Variants in CDC42SE2 observed in about 807,000 individuals in gnomAD.
CDC42SE2 encodes the protein CDC42 small effector 2.
In CDC42SE2, 3 loss-of-function variants were observed where a neutral mutation model predicts 11.5. The ratio of observed to expected loss-of-function variants is 0.26; its 90% CI spans 0.12 to 0.67. The LOEUF is 0.67. CDC42SE2 is among the 30% of genes least tolerant of loss of function. CDC42SE2 has a pLI of 0.80. For missense variants in CDC42SE2, 82 were observed against 106.8 expected (o/e 0.77, Z 1.02); for synonymous variants, 33 against 34.8 (o/e 0.95, Z 0.18).
chr5:131,290,250 T>C (rs1757428871), intron 1 of CDC42SE2, among the ~76,000 whole-genome samples: 1 of 152,118 alleles, frequency 6.6e-6, no homozygotes, highest in Non-Finnish European at 1.5e-5. Flanking sequence ...CAAAAGGCAG[T>C]TGGTGATCTG....
chr5:131,389,595 TGA>T (rs1561439768), intron 4 of CDC42SE2, among the ~76,000 whole-genome samples: 1 of 152,378 alleles, frequency 6.6e-6, no homozygotes, highest in East Asian at 1.9e-4. Flanking sequence ...TATTGAAACC[TGA>T]CTTACTCAAA....
At chr5:131,366,777 A>AT (rs754565200) in intron 3 of CDC42SE2, among the ~76,000 whole-genome samples, 36 of 152,068 alleles carry the variant, frequency 2.4e-4, no homozygotes, top group Non-Finnish European at 4.6e-4. Flanking sequence ...TAATCCCAAC[A>AT]CTTTGGGAGG....
chr5:131,309,999 T>C (rs957744106), intron 1 of CDC42SE2, among the ~76,000 whole-genome samples: 2 of 152,204 alleles, frequency 1.3e-5, no homozygotes, highest in African/African-American at 2.4e-5. Flanking sequence ...CTTTTGAATG[T>C]GTTTGCTCTT....
chr5:131,289,251 A>C (rs984575167), intron 1 of CDC42SE2, among the ~76,000 whole-genome samples: 1 of 152,228 alleles, frequency 6.6e-6, no homozygotes, highest in African/African-American at 2.4e-5. Context: ...AAACCAGCCA[A>C]ATGGAGTATG....
rs1374250673 is a variant in CDC42SE2, at chr5:131,393,047, T to TA, written c.*1957dup. 1 of 152,380 alleles carries TA rather than the reference T, an allele frequency of 6.6e-6. No homozygotes were observed. Among genetic ancestry groups the TA allele is most frequent in the African/African-American group, 2.4e-5 (1 of 41,452 alleles). The allele number at this position is 152,380 out of a possible 1,614,324, so 9.4% of individuals were successfully genotyped here. On this transcript the variant is annotated 3_prime_UTR_variant, in exon 5 of 5. Coordinates refer to ENST00000505065, the MANE Select transcript of CDC42SE2 (RefSeq NM_001375635.1). ...TCTGTAAAGGTTTCTTCTTTTCTGT[T>TA]AGAGTGTGGTGTTAAGCCAGAGTCA...
chr5:131,337,381 T>G (rs574413826), intron 2 of CDC42SE2, among the ~76,000 whole-genome samples: 32 of 152,186 alleles, frequency 2.1e-4, no homozygotes, highest in Non-Finnish European at 4.7e-4. Flanking sequence ...CTGCCCCTAC[T>G]GGGGGGTGCC....
intron 3 of CDC42SE2, among the ~76,000 whole-genome samples, chr5:131,371,905 A>G (rs576182403): frequency 6.6e-5 from 10 of 152,324 alleles, no homozygotes; most frequent in African/African-American, 2.4e-4. Context: ...ATTATCTGCC[A>G]TTTTTACAGA....
rs79210450 is a variant in CDC42SE2 at position 131,343,284 on chromosome 5, A to C, written c.-285-15925A>C. Reference sequence around the variant, plus strand: ...GTGGATATAAATGTCTAGTAGACTCAAGAGAGAAGTCAGAATGAAAATACA... The same window carrying C: ...GTGGATATAAATGTCTAGTAGACTCCAGAGAGAAGTCAGAATGAAAATACA... On this transcript the variant is annotated intron_variant, in intron 2 of 4. Transcript: ENST00000505065. Among the ~76,000 whole-genome samples, 300 of 152,304 alleles carry C rather than the reference A, an allele frequency of 2.0e-3. 1 individual carries two copies. Among genetic ancestry groups the C allele is most frequent in the African/African-American group, 7.0e-3 (289 of 41,566 alleles).
At chr5:131,371,264 G>A (rs1211365460) in intron 3 of CDC42SE2, among the ~76,000 whole-genome samples, 1 of 152,002 alleles carries the variant, frequency 6.6e-6, no homozygotes, top group East Asian at 1.9e-4. Context: ...TTCATATTGA[G>A]TAGGAAATAT....
At chr5:131,347,690 C>T (rs1561593808) in intron 2 of CDC42SE2, among the ~76,000 whole-genome samples, 2 of 151,984 alleles carry the variant, frequency 1.3e-5, no homozygotes, top group South Asian at 4.1e-4. Context: ...GGCAGAGACA[C>T]AACAAAAAAA....
At chr5:131,277,154 G>C (rs958409555) in intron 1 of CDC42SE2, among the ~76,000 whole-genome samples, 2 of 152,188 alleles carry the variant, frequency 1.3e-5, no homozygotes, top group African/African-American at 4.8e-5. Context: ...AGACTAGGTA[G>C]TTTTCATTAG....
At chr5:131,377,165 C>G (rs953863571) in intron 3 of CDC42SE2, among the ~76,000 whole-genome samples, 1 of 148,920 alleles carries the variant, frequency 6.7e-6, no homozygotes, top group African/African-American at 2.5e-5. Flanking sequence ...TATTATTTGA[C>G]TATATGTAAT....
At chr5:131,374,326 C>T (rs925196665) in intron 3 of CDC42SE2, among the ~76,000 whole-genome samples, 2 of 151,914 alleles carry the variant, frequency 1.3e-5, no homozygotes, top group Non-Finnish European at 2.9e-5. Flanking sequence ...AGGTGGATCA[C>T]GAGGTGAGTT....
intron 2 of CDC42SE2, among the ~76,000 whole-genome samples, chr5:131,347,699 A>C (rs897706522): frequency 2.6e-5 from 4 of 152,202 alleles, no homozygotes; most frequent in Non-Finnish European, 5.9e-5. Flanking sequence ...ACAACAAAAA[A>C]AGAGAATTTT....
chr5:131,241,628 C>T (rs1017439969), upstream of CDC42SE2, among the ~76,000 whole-genome samples: 1 of 152,032 alleles, frequency 6.6e-6, no homozygotes, highest in Admixed American at 6.6e-5. Context: ...GAGCACACCC[C>T]CTTTGCCTAC....
At chr5:131,303,357 T>C (rs1265478481) in intron 1 of CDC42SE2, among the ~76,000 whole-genome samples, 1 of 152,226 alleles carries the variant, frequency 6.6e-6, no homozygotes, top group Non-Finnish European at 1.5e-5. Flanking sequence ...TAAGTACTTA[T>C]TTTTCATTCA....
chr5:131,302,380 T>C (rs954172964), intron 1 of CDC42SE2, among the ~76,000 whole-genome samples: 2 of 152,206 alleles, frequency 1.3e-5, no homozygotes, highest in Non-Finnish European at 2.9e-5. Context: ...GGTTTCTCCA[T>C]GTTGGTGAGG....
intron 2 of CDC42SE2, among the ~76,000 whole-genome samples, chr5:131,345,881 T>A (rs991188085): frequency 2.0e-5 from 3 of 152,110 alleles, no homozygotes; most frequent in Non-Finnish European, 4.4e-5. Flanking sequence ...AACCCAGAAT[T>A]TCATATCCAG....
chr5:131,230,301 T>C, the CDC42SE2 span, among the ~76,000 whole-genome samples: 2 of 152,230 alleles, frequency 1.3e-5, no homozygotes, highest in African/African-American at 2.4e-5. Context: ...TTTTCTACTG[T>C]TTCACCACTC....
Sources: gnomAD v4.1 joint callset for allele counts (sites outside exome capture counted in the v4.1 genomes callset) on GRCh38, gnomAD v4.1.1 for gene constraint, MANE v1.5 for transcripts, NCBI Gene and HGNC (gene_info 2026-07-23, HGNC 2026-07-21) for gene names.